TOMM40: variants seen among roughly 807,000 people sequenced by gnomAD.
TOMM40 encodes the protein mitochondrial import receptor subunit TOM40 homolog.
Under a neutral mutation model 38.4 loss-of-function variants are expected in TOMM40, and 9 were observed. The observed-to-expected ratio is 0.23, with a 90% CI of 0.14 to 0.41. TOMM40 has a LOEUF of 0.41. TOMM40 is among the 10% of genes least tolerant of loss of function. TOMM40 has a pLI of 1.00. For synonymous variants in TOMM40, 184 were observed against 210.0 expected (o/e 0.88, Z 1.07); for missense variants, 299 against 486.5 (o/e 0.61, Z 3.63).
chr19:44,900,014 T>G (rs1330513492), intron 5 of TOMM40, among the ~76,000 whole-genome samples: 1 of 151,956 alleles, frequency 6.6e-6, no homozygotes, highest in East Asian at 1.9e-4. Context: ...CCCTATAAAA[T>G]CACATTTGTG....
chr19:44,900,710 G>T lies in TOMM40; in HGVS notation c.644-20G>T. On this transcript the variant is annotated intron_variant, in intron 5 of 8. Transcript: ENST00000426677. ...CTGGCACTCAGGGTGGGTGGAAACTGATCGTCATTTTGCCCACAGGAATCC... is the reference window on the plus strand; with the variant it reads ...CTGGCACTCAGGGTGGGTGGAAACTTATCGTCATTTTGCCCACAGGAATCC... The T allele has an allele frequency of 6.2e-7, 1 of 1,611,948 alleles. No individual in the cohort carries two copies. Among genetic ancestry groups the T allele is most frequent in the South Asian group, 1.1e-5 (1 of 90,948 alleles).
At chr19:44,893,321 T>G (rs1472700038) in intron 3 of TOMM40, among the ~76,000 whole-genome samples, 4 of 152,104 alleles carry the variant, frequency 2.6e-5, no homozygotes, top group Admixed American at 1.3e-4. Flanking sequence ...GTCCACAGGT[T>G]CCCGCTGTAG....
chr19:44,898,306 G>A (rs931530580), intron 5 of TOMM40, among the ~76,000 whole-genome samples: 1 of 152,084 alleles, frequency 6.6e-6, no homozygotes, highest in African/African-American at 2.4e-5. Flanking sequence ...GGTCTGGGAA[G>A]CATCTTCGCA....
chr19:44,898,269 C>T (rs1377854404), intron 5 of TOMM40, among the ~76,000 whole-genome samples: 2 of 152,170 alleles, frequency 1.3e-5, no homozygotes, highest in Non-Finnish European at 2.9e-5. Context: ...CACTGTGGGG[C>T]CCCTAGTCTG....
chr19:44,902,795 C>T, intron 8 of TOMM40: 1 of 470,392 alleles, frequency 2.1e-6, no homozygotes, highest in Non-Finnish European at 3.7e-6. Context: ...TTGGGGGAAC[C>T]CAGGGGTCTA....
At chr19:44,902,867 T>C (rs1180376223) in intron 8 of TOMM40, 163 bp from the exon 9 acceptor site, 7 of 831,654 alleles carry the variant, frequency 8.4e-6, no homozygotes, top group Non-Finnish European at 1.3e-5. Context: ...AGCCATTTGC[T>C]CCAGCGTGAA....
chr19:44,899,057 C>T (rs1191421215), intron 5 of TOMM40, among the ~76,000 whole-genome samples: 3 of 147,780 alleles, frequency 2.0e-5, no homozygotes, highest in Non-Finnish European at 3.0e-5. Flanking sequence ...GGCGTGAACC[C>T]GGGAGGTGGA....
At chr19:44,899,924 C>T (rs968316820) in intron 5 of TOMM40, among the ~76,000 whole-genome samples, 15 of 150,710 alleles carry the variant, frequency 1.0e-4, no homozygotes, top group Admixed American at 5.4e-4. Flanking sequence ...ATTACAGGCA[C>T]GTGCCACCAC....
At chr19:44,892,247 C>G in intron 1 of TOMM40, 146 bp from the exon 2 acceptor site, 1 of 807,484 alleles carries the variant, frequency 1.2e-6, no homozygotes. Context: ...CCCTGTCTAA[C>G]TAGGCTGTAC....
intron 5 of TOMM40, among the ~76,000 whole-genome samples, chr19:44,898,380 C>A (rs1310031389): frequency 1.3e-5 from 2 of 152,230 alleles, no homozygotes; most frequent in East Asian, 3.9e-4. Context: ...CCCCAACCTC[C>A]CTTCCCTTCT....
In TOMM40 at chr19:44,894,069, A is replaced by C. The variant is rs1365027912; in HGVS notation, c.643+3A>C. On this transcript the variant is annotated splice_donor_region_variant and intron_variant, in intron 5 of 8. Transcript: ENST00000426677. ...CCCAGACGTCCTCGTGGGTTCAGGT[A>C]AGAGGCGGAGGGCTTGGAGGGTGGT... 1 of 1,505,218 alleles carries C rather than the reference A, an allele frequency of 6.6e-7. No homozygotes were observed. Among genetic ancestry groups the C allele is most frequent in the African/African-American group, 1.4e-5 (1 of 71,380 alleles). 93.2% of individuals were successfully genotyped at this position (1,505,218 alleles called of 1,614,324 possible).
intron 5 of TOMM40, among the ~76,000 whole-genome samples, chr19:44,894,669 C>T (rs1969532904): frequency 6.6e-6 from 1 of 152,190 alleles, no homozygotes; most frequent in Admixed American, 6.5e-5. Flanking sequence ...TTCAAGCAAT[C>T]CTCCCACCTT....
intron 5 of TOMM40, among the ~76,000 whole-genome samples, chr19:44,899,451 C>T (rs1359754221): frequency 1.3e-5 from 2 of 151,972 alleles, no homozygotes; most frequent in Non-Finnish European, 2.9e-5. Flanking sequence ...CTCCCACGTC[C>T]ACCCCCTTAG....
chr19:44,895,011 T>C (rs1052141976), intron 5 of TOMM40, among the ~76,000 whole-genome samples: 3 of 152,190 alleles, frequency 2.0e-5, no homozygotes, highest in African/African-American at 7.2e-5. Context: ...TGAGACCGGA[T>C]GGAGGCGATG....
intron 8 of TOMM40, chr19:44,902,806 G>C: frequency 1.9e-6 from 1 of 518,228 alleles, no homozygotes; most frequent in East Asian, 3.7e-5. Flanking sequence ...CAGGGGTCTA[G>C]AGGGCTTTTC....
At chr19:44,891,901 G>A (rs1969474043) in intron 1 of TOMM40, among the ~76,000 whole-genome samples, 1 of 152,178 alleles carries the variant, frequency 6.6e-6, no homozygotes, top group Non-Finnish European at 1.5e-5. Flanking sequence ...TAGCAGTAGA[G>A]AAAAGCCTTT....
chr19:44,892,298 G>A, intron 1 of TOMM40, 95 bp from the exon 2 acceptor site: 2 of 1,194,780 alleles, frequency 1.7e-6, no homozygotes, highest in Non-Finnish European at 1.2e-6. Flanking sequence ...ATGTTCTGCT[G>A]TGGGTCTCTG....
At chr19:44,902,845 AGAG>A (rs1164304839) in intron 8 of TOMM40, 182 bp from the exon 9 acceptor site, 4 of 682,546 alleles carry the variant, frequency 5.9e-6, no homozygotes, top group Admixed American at 3.3e-5. Context: ...AGCGGAGAGC[AGAG>A]GAGGAGTGAG....
At chr19:44,902,155 G>A (rs977834466) in intron 8 of TOMM40, 1 of 152,180 alleles carries the variant, frequency 6.6e-6, no homozygotes, top group African/African-American at 2.4e-5. Context: ...TCTGATGGGT[G>A]TTTGGGCCAA....
Sources: gnomAD v4.1 joint callset for allele counts (sites outside exome capture counted in the v4.1 genomes callset) on GRCh38, gnomAD v4.1.1 for gene constraint, MANE v1.5 for transcripts, NCBI Gene and HGNC (gene_info 2026-07-23, HGNC 2026-07-21) for gene names.